PACRG: variants seen among roughly 807,000 people sequenced by gnomAD.
PACRG encodes the protein parkin coregulated gene protein.
In PACRG, 29 loss-of-function variants were observed where a neutral mutation model predicts 29.7. That is an observed-to-expected ratio of 0.98 (90% confidence interval 0.73 to 1.33). The LOEUF (loss-of-function observed/expected upper bound fraction) is 1.33. Among genes scored for constraint, PACRG ranks in the 40% most tolerant of loss-of-function variants. The pLI, the probability that PACRG is intolerant of heterozygous loss-of-function variation, is 0.00. For missense variants in PACRG, 279 were observed against 316.2 expected (o/e 0.88, Z 0.89); for synonymous variants, 116 against 118.7 (o/e 0.98, Z 0.15).
At chr6:163,037,887 G>T (rs1016241560) in intron 2 of PACRG, among the ~76,000 whole-genome samples, 4 of 152,186 alleles carry the variant, frequency 2.6e-5, no homozygotes, top group African/African-American at 4.8e-5. Context: ...CTCCAACTAG[G>T]AAGACAAAGG....
intron 4 of PACRG, among the ~76,000 whole-genome samples, chr6:163,289,334 G>T (rs777794381): frequency 6.6e-6 from 1 of 152,010 alleles, no homozygotes; most frequent in Admixed American, 6.5e-5. Flanking sequence ...TTCACGATGC[G>T]GTTCCTTTTC....
chr6:163,128,832 A>C (rs1337307816), intron 4 of PACRG, among the ~76,000 whole-genome samples: 1 of 152,216 alleles, frequency 6.6e-6, no homozygotes, highest in Non-Finnish European at 1.5e-5. Flanking sequence ...TTTGCTCCAT[A>C]TCATCAAGTT....
chr6:162,752,746 A>G (rs1236330491), intron 1 of PACRG, among the ~76,000 whole-genome samples: 1 of 152,202 alleles, frequency 6.6e-6, no homozygotes, highest in Admixed American at 6.5e-5. Context: ...CGTATGTAGT[A>G]CCAGACACTA....
At chr6:163,011,311 G>A (rs762573129) in intron 2 of PACRG, among the ~76,000 whole-genome samples, 9 of 152,302 alleles carry the variant, frequency 5.9e-5, no homozygotes, top group East Asian at 1.9e-4. Flanking sequence ...TAGGCCCTGC[G>A]GTGTAGCCGA....
chr6:162,946,320 T>A (rs1799004562), intron 2 of PACRG, among the ~76,000 whole-genome samples: 1 of 151,916 alleles, frequency 6.6e-6, no homozygotes, highest in Non-Finnish European at 1.5e-5. Flanking sequence ...TTACAACTGA[T>A]AACCACCAAA....
At chr6:163,127,751 T>A (rs188595378) in intron 4 of PACRG, among the ~76,000 whole-genome samples, 1 of 152,326 alleles carries the variant, frequency 6.6e-6, no homozygotes, top group African/African-American at 2.4e-5. Flanking sequence ...GTCATTTGAG[T>A]CTCACCATGT....
intron 2 of PACRG, among the ~76,000 whole-genome samples, chr6:162,932,719 T>C (rs1797939677): frequency 6.6e-6 from 1 of 151,968 alleles, no homozygotes; most frequent in African/African-American, 2.4e-5. Context: ...TGATCATATT[T>C]GTTAAGTGTC....
At chr6:162,826,784 TA>T (rs1282789903) in intron 2 of PACRG, among the ~76,000 whole-genome samples, 1 of 152,136 alleles carries the variant, frequency 6.6e-6, no homozygotes, top group Non-Finnish European at 1.5e-5. Context: ...TGTCATACTG[TA>T]AAATTAAGGT....
At chr6:162,906,469 G>A (rs1010868595) in intron 2 of PACRG, among the ~76,000 whole-genome samples, 17 of 152,286 alleles carry the variant, frequency 1.1e-4, no homozygotes, top group Admixed American at 3.3e-4. Context: ...ATGCCAGACC[G>A]TATTTCAAAC....
chr6:162,900,438 C>T (rs1460204582), intron 2 of PACRG, among the ~76,000 whole-genome samples: 1 of 152,196 alleles, frequency 6.6e-6, no homozygotes, highest in African/African-American at 2.4e-5. Context: ...AATGAACTTA[C>T]GTTTCAATGA....
chr6:162,899,212 A>G (rs1359258211), intron 2 of PACRG, among the ~76,000 whole-genome samples: 1 of 152,058 alleles, frequency 6.6e-6, no homozygotes, highest in Non-Finnish European at 1.5e-5. Context: ...ATTAATGACA[A>G]TTTGCTGGTA....
intron 4 of PACRG, among the ~76,000 whole-genome samples, chr6:163,103,538 A>T (rs999390053): frequency 1.3e-5 from 2 of 152,146 alleles, no homozygotes; most frequent in African/African-American, 4.8e-5. Context: ...GTTACAAGGC[A>T]TGGAACTATG....
chr6:162,798,234 A>G (rs1285664313), intron 1 of PACRG, among the ~76,000 whole-genome samples: 2 of 152,004 alleles, frequency 1.3e-5, no homozygotes, highest in Non-Finnish European at 2.9e-5. Flanking sequence ...TCATTTGTTT[A>G]TGTATTTATT....
At chr6:163,210,027 G>A (rs1022752448) in intron 4 of PACRG, among the ~76,000 whole-genome samples, 2 of 152,122 alleles carry the variant, frequency 1.3e-5, no homozygotes, top group African/African-American at 2.4e-5. Context: ...TCTACCAAAT[G>A]TCTTGTTAAT....
intron 3 of PACRG, among the ~76,000 whole-genome samples, chr6:163,088,490 G>A (rs556140794): frequency 3.3e-4 from 50 of 152,082 alleles, no homozygotes; most frequent in Non-Finnish European, 4.7e-4. Context: ...GGCCAACCTC[G>A]CACAGCCAGT....
intron 2 of PACRG, among the ~76,000 whole-genome samples, chr6:162,830,398 CA>C (rs2128392083): frequency 6.6e-6 from 1 of 152,290 alleles, no homozygotes; most frequent in Admixed American, 6.5e-5. Flanking sequence ...TCCAAGAAAA[CA>C]AAACTCCCAG....
At chr6:163,239,705 C>A (rs1474642704) in intron 4 of PACRG, among the ~76,000 whole-genome samples, 2 of 143,144 alleles carry the variant, frequency 1.4e-5, no homozygotes, top group Admixed American at 1.4e-4. Flanking sequence ...CTCCCACATA[C>A]ACACACACGC....
chr6:162,773,555 C>T lies in PACRG; in HGVS notation c.157-40592C>T, dbSNP rs376627493. Among the ~76,000 whole-genome samples, 96 of 124,960 alleles carry T rather than the reference C, an allele frequency of 7.7e-4. No individual in the cohort carries two copies. In the East Asian group the frequency reaches 0.012, roughly 16 times the overall value. 82.0% of individuals were successfully genotyped at this position (124,960 alleles called of 152,430 possible). A position where few individuals can be genotyped will look rare whatever the true frequency, so the allele number is the denominator to read the frequency against. ...CGGAGTCTCGCTCTGTCGCCCAGGC[C>T]GGACTGCGGACTGCAGTGGCGCAAT... On this transcript the variant is annotated intron_variant, in intron 1 of 4. Transcript: ENST00000366888.
chr6:162,950,931 G>A (rs1799601865), intron 2 of PACRG, among the ~76,000 whole-genome samples: 1 of 152,202 alleles, frequency 6.6e-6, no homozygotes. Flanking sequence ...ATTGGGGACT[G>A]CAGTACAGCT....
Sources: gnomAD v4.1 joint callset for allele counts (sites outside exome capture counted in the v4.1 genomes callset) on GRCh38, gnomAD v4.1.1 for gene constraint, MANE v1.5 for transcripts, NCBI Gene and HGNC (gene_info 2026-07-23, HGNC 2026-07-21) for gene names.